Variants in LRP1B observed in about 807,000 individuals in gnomAD.
LRP1B encodes LDL receptor related protein 1B, also known as low-density lipoprotein receptor-related protein 1B.
Under a neutral mutation model 556.6 loss-of-function variants are expected in LRP1B, and 217 were observed. That is an observed-to-expected ratio of 0.39 (90% confidence interval 0.35 to 0.44). LRP1B has a LOEUF of 0.44. Ranked by LOEUF, LRP1B falls within the 20% of genes least tolerant of loss-of-function variation. The probability of loss-of-function intolerance (pLI) is 1.00; values close to 1 mark genes in which losing one functional copy is unlikely to be tolerated. For missense variants in LRP1B, 5,053 were observed against 5,620.8 expected (o/e 0.90, Z 3.23); for synonymous variants, 2,047 against 1,865.8 (o/e 1.10, Z -2.50).
chr2:141,861,246 C>G (rs1258826754), intron 1 of LRP1B, among the ~76,000 whole-genome samples: 2 of 152,118 alleles, frequency 1.3e-5, no homozygotes, highest in African/African-American at 4.8e-5. Flanking sequence ...TCCCCTCAAT[C>G]CTCTCTTCCT....
At chr2:140,775,951 C>T in intron 33 of LRP1B, 147 bp downstream of exon 33, 1 of 616,936 alleles carries the variant, frequency 1.6e-6, no homozygotes, top group Non-Finnish European at 2.6e-6. Flanking sequence ...AGACATTTCT[C>T]CTACAGTAGT....
chr2:140,690,353 AC>A (rs1686194387), intron 41 of LRP1B, among the ~76,000 whole-genome samples: 1 of 149,986 alleles, frequency 6.7e-6, no homozygotes, highest in Non-Finnish European at 1.5e-5. Context: ...TCCGGGTCTA[AC>A]CTCTTCTTCG....
At chr2:140,988,973 T>C (rs1056981794) in intron 17 of LRP1B, among the ~76,000 whole-genome samples, 3 of 152,242 alleles carry the variant, frequency 2.0e-5, no homozygotes, top group African/African-American at 7.2e-5. Flanking sequence ...GCTGTGTATT[T>C]CCATTCAATG....
At chr2:141,247,499 C>T (rs530747436) in intron 4 of LRP1B, 145 bp from the exon 5 acceptor site, 1 of 808,316 alleles carries the variant, frequency 1.2e-6, no homozygotes, top group Non-Finnish European at 1.9e-6. Context: ...ACCACACTAA[C>T]TAAAAATTAA....
chr2:141,779,212 G>A (rs529986864), intron 2 of LRP1B, among the ~76,000 whole-genome samples: 30 of 152,114 alleles, frequency 2.0e-4, no homozygotes, highest in South Asian at 1.0e-3. Flanking sequence ...CAAATGATTG[G>A]ATTAGTTGTT....
chr2:141,324,114 TCACA>T (rs113196488), intron 3 of LRP1B, among the ~76,000 whole-genome samples: 1 of 66,740 alleles, frequency 1.5e-5, no homozygotes, highest in Non-Finnish European at 3.1e-5. Context: ...AACAAAGAAA[TCACA>T]CACACACACA....
chr2:140,586,294 C>T (rs998275668), intron 43 of LRP1B, among the ~76,000 whole-genome samples: 2 of 152,014 alleles, frequency 1.3e-5, no homozygotes, highest in Admixed American at 6.6e-5. Context: ...AGACTCAAAT[C>T]GTATAAGCTG....
intron 2 of LRP1B, among the ~76,000 whole-genome samples, chr2:141,794,822 TTA>T (rs1485232424): frequency 7.9e-5 from 12 of 152,142 alleles, no homozygotes; most frequent in African/African-American, 2.9e-4. Context: ...CCTCAGGAAA[TTA>T]TATGTCAAAA....
At chr2:140,929,265 A>G (rs191930459) in intron 20 of LRP1B, among the ~76,000 whole-genome samples, 5 of 152,262 alleles carry the variant, frequency 3.3e-5, no homozygotes, top group African/African-American at 1.2e-4. Flanking sequence ...CTCTGATAAG[A>G]GAGAATGCCA....
chr2:141,758,864 G>A (rs1694419686), intron 2 of LRP1B, among the ~76,000 whole-genome samples: 1 of 152,032 alleles, frequency 6.6e-6, no homozygotes, highest in African/African-American at 2.4e-5. Context: ...TTAATTAATT[G>A]TAAAGGAGTG....
chr2:140,977,089 T>A (rs530504169), intron 18 of LRP1B, among the ~76,000 whole-genome samples: 1 of 152,168 alleles, frequency 6.6e-6, no homozygotes, highest in Non-Finnish European at 1.5e-5. Flanking sequence ...ATATAGTAAT[T>A]TGAGGATGGT....
At chr2:141,786,295 T>C (rs1011639299) in intron 2 of LRP1B, among the ~76,000 whole-genome samples, 45 of 151,938 alleles carry the variant, frequency 3.0e-4, no homozygotes, top group African/African-American at 1.1e-3. Flanking sequence ...CATATTTGAG[T>C]ATCCTCAACT....
At chr2:140,343,094 C>T (rs893926050) in intron 77 of LRP1B, among the ~76,000 whole-genome samples, 2 of 151,114 alleles carry the variant, frequency 1.3e-5, no homozygotes, top group Non-Finnish European at 3.0e-5. Flanking sequence ...GAAAATGAAA[C>T]ATTTTAAGGA....
intron 86 of LRP1B, among the ~76,000 whole-genome samples, chr2:140,261,393 T>C (rs2104926965): frequency 6.6e-6 from 1 of 151,964 alleles, no homozygotes; most frequent in African/African-American, 2.4e-5. Context: ...AAAGAGACAG[T>C]GAGCTTGAAT....
intron 2 of LRP1B, among the ~76,000 whole-genome samples, chr2:141,655,102 G>C (rs1395937494): frequency 6.6e-6 from 1 of 152,130 alleles, no homozygotes; most frequent in East Asian, 1.9e-4. Context: ...TCAATAAACT[G>C]GGGAGGAGGA....
intron 1 of LRP1B, among the ~76,000 whole-genome samples, chr2:141,974,794 AT>A (rs1472362647): frequency 6.6e-6 from 1 of 152,068 alleles, no homozygotes; most frequent in East Asian, 1.9e-4. Flanking sequence ...GCAATTTGAA[AT>A]GACAGATATT....
chr2:140,707,008 A>G (rs1214467606), intron 37 of LRP1B, among the ~76,000 whole-genome samples: 1 of 152,156 alleles, frequency 6.6e-6, no homozygotes, highest in Admixed American at 6.6e-5. Flanking sequence ...TAAGAGAAAC[A>G]GTATTAAATG....
chr2:140,771,072 C>T lies in LRP1B; in HGVS notation c.5501-66G>A, dbSNP rs376524583. ...TTTTAAAAAATAAAGTTTTATTTAA[C>T]GTCAATAATTTGACAAATATGTATG... On this transcript the variant is annotated intron_variant, in intron 33 of 90. Transcript: ENST00000389484. 1.0e-4 allele frequency: 122 copies of T among 1,224,594 alleles called. No homozygotes were observed. In the Middle Eastern group the frequency reaches 1.1e-3, roughly 11 times the overall value. The allele number at this position is 1,224,594 out of a possible 1,614,324, so 75.9% of individuals were successfully genotyped here.
intron 41 of LRP1B, among the ~76,000 whole-genome samples, chr2:140,658,768 C>A (rs1450719936): frequency 6.6e-6 from 1 of 151,990 alleles, no homozygotes; most frequent in Non-Finnish European, 1.5e-5. Flanking sequence ...CTGTATGAAC[C>A]TTCAGTGAAC....
Sources: gnomAD v4.1 joint callset for allele counts (sites outside exome capture counted in the v4.1 genomes callset) on GRCh38, gnomAD v4.1.1 for gene constraint, MANE v1.5 for transcripts, NCBI Gene and HGNC (gene_info 2026-07-23, HGNC 2026-07-21) for gene names.